Variants in NWD1 observed in about 807,000 individuals in gnomAD.
NWD1 encodes NACHT and WD repeat domain containing 1, also known as NACHT domain- and WD repeat-containing protein 1.
A neutral mutation model predicts 135.1 loss-of-function variants in NWD1; 129 were observed. The ratio of observed to expected loss-of-function variants is 0.96; its 90% CI spans 0.83 to 1.11. The LOEUF is 1.11. NWD1 is among the 50% of genes least tolerant of loss of function. The pLI, the probability that NWD1 is intolerant of heterozygous loss-of-function variation, is 0.00. For synonymous variants in NWD1, 773 were observed against 786.0 expected (o/e 0.98, Z 0.28); for missense variants, 1,740 against 1,851.3 (o/e 0.94, Z 1.10).
At chr19:16,755,808 G>A (rs914195676) in intron 6 of NWD1, among the ~76,000 whole-genome samples, 2 of 152,058 alleles carry the variant, frequency 1.3e-5, no homozygotes, top group Non-Finnish European at 2.9e-5. Flanking sequence ...AAAGTGCTGG[G>A]ATTACAGGCG....
At chr19:16,775,869 T>C (rs566896092) in intron 11 of NWD1, among the ~76,000 whole-genome samples, 12 of 152,232 alleles carry the variant, frequency 7.9e-5, no homozygotes, top group Admixed American at 7.2e-4. Context: ...GGTTTCACCA[T>C]GTTGGCCAGG....
intron 6 of NWD1, among the ~76,000 whole-genome samples, chr19:16,756,067 T>G (rs1346570289): frequency 2.6e-5 from 4 of 151,730 alleles, no homozygotes; most frequent in Non-Finnish European, 5.9e-5. Flanking sequence ...CAAAACAAGG[T>G]AGAGAAAAGA....
At chr19:16,812,888 A>G (rs1970968818) in intron 18 of NWD1, 2 of 780,528 alleles carry the variant, frequency 2.6e-6, no homozygotes, top group East Asian at 4.9e-5. Flanking sequence ...TTGAGCTTCG[A>G]TCTGGAGAGA....
intron 3 of NWD1, among the ~76,000 whole-genome samples, chr19:16,733,383 TG>T (rs1446253923): frequency 7.9e-5 from 12 of 152,074 alleles, no homozygotes; most frequent in African/African-American, 2.9e-4. Flanking sequence ...TACCCAGATG[TG>T]GTGACACGCA....
intron 11 of NWD1, 141 bp downstream of exon 11, chr19:16,773,464 G>C: frequency 1.5e-6 from 1 of 645,446 alleles, no homozygotes; most frequent in South Asian, 1.9e-5. Context: ...GCCTGCCCCT[G>C]CTGTCTCATG....
In NWD1 at chr19:16,725,383, T is replaced by C. The variant is rs1188991073; in HGVS notation, c.-7+920T>C. 7.9e-5 allele frequency among the ~76,000 whole-genome samples: 12 copies of C among 151,248 alleles called. No individual in the cohort carries two copies. The Admixed American group carries it at 8.0e-4, about 10-fold the overall frequency. ...GTCCCAGCTACTTGGGAGGCTGAGATGGGAGGATCACTTGAGCCCAGGAGA... is the reference window on the plus strand; with the variant it reads ...GTCCCAGCTACTTGGGAGGCTGAGACGGGAGGATCACTTGAGCCCAGGAGA... On this transcript the variant is annotated intron_variant, in intron 2 of 18. Coordinates refer to ENST00000524140, the MANE Select transcript of NWD1 (RefSeq NM_001007525.5).
At chr19:16,798,545 A>C (rs1970495309) in intron 16 of NWD1, among the ~76,000 whole-genome samples, 1 of 152,196 alleles carries the variant, frequency 6.6e-6, no homozygotes, top group East Asian at 1.9e-4. Context: ...TGGGAGGTAG[A>C]GGCTGCAGTG....
intron 11 of NWD1, among the ~76,000 whole-genome samples, chr19:16,778,497 T>TTCTTCTTCTTCTTCTTCTTCTTCTTC (rs1568373623): frequency 2.4e-5 from 2 of 82,658 alleles, no homozygotes; most frequent in African/African-American, 7.5e-5. Context: ...TCTTCTTCTT[T>TTCTTCTTCTTCTTCTTCTTCTTCTTC]TTTTTTTTTT....
At chr19:16,810,745 G>A (rs77337042) in intron 18 of NWD1, among the ~76,000 whole-genome samples, 1 of 152,090 alleles carries the variant, frequency 6.6e-6, no homozygotes, top group Admixed American at 6.6e-5. Flanking sequence ...CCTGGATGAC[G>A]ATACAAGATT....
chr19:16,752,420 C>A lies in NWD1; in HGVS notation c.1769+2009C>A, dbSNP rs372617672. On this transcript the variant is annotated intron_variant, in intron 6 of 18. Coordinates refer to ENST00000524140, the MANE Select transcript of NWD1 (RefSeq NM_001007525.5). Reference sequence around the variant, plus strand: ...CCTGTAATGCCAGCGTTTTGGGAGGCTGAGGTGGGAGGATCACTTGAATCC... The same window carrying A: ...CCTGTAATGCCAGCGTTTTGGGAGGATGAGGTGGGAGGATCACTTGAATCC... Among the ~76,000 whole-genome samples, 16 of 152,216 alleles carry A rather than the reference C, an allele frequency of 1.1e-4. No homozygotes were observed. In the East Asian group the frequency reaches 2.7e-3, roughly 26 times the overall value.
At position 16,787,931 on chromosome 19, in the gene NWD1, C is replaced by A. The variant is rs1375606172; in HGVS notation, c.2732-1051C>A. Among the ~76,000 whole-genome samples, 89 of 135,296 alleles carry A rather than the reference C, an allele frequency of 6.6e-4. No homozygotes were observed. In the South Asian group the frequency reaches 9.2e-3, roughly 14 times the overall value. 88.8% of individuals were successfully genotyped at this position (135,296 alleles called of 152,430 possible). Reference sequence around the variant, plus strand: ...TCATCATCATCATCATCATCATCATCATCATCATCATCATAGGCCAGGCGC... The same window carrying A: ...TCATCATCATCATCATCATCATCATAATCATCATCATCATAGGCCAGGCGC... On this transcript the variant is annotated intron_variant, in intron 12 of 18. Transcript: ENST00000524140.
intron 12 of NWD1, among the ~76,000 whole-genome samples, chr19:16,786,425 G>A (rs1970043159): frequency 6.6e-6 from 1 of 152,078 alleles, no homozygotes; most frequent in African/African-American, 2.4e-5. Flanking sequence ...TTTGGGGTAC[G>A]AATGATCCCA....
intron 12 of NWD1, among the ~76,000 whole-genome samples, chr19:16,787,876 CAATAATAATAAT>C (rs534816872): frequency 3.8e-4 from 46 of 119,494 alleles, no homozygotes; most frequent in African/African-American, 1.3e-3. Context: ...GTAATAATAA[CAATAATAATAAT>C]AATAATAATA....
At chr19:16,788,107 G>A (rs2123037469) in intron 12 of NWD1, among the ~76,000 whole-genome samples, 1 of 148,148 alleles carries the variant, frequency 6.8e-6, no homozygotes, top group Non-Finnish European at 1.5e-5. Flanking sequence ...GTGGGCACCT[G>A]TAATCCCAGC....
chr19:16,734,576 T>C (rs1324637423), intron 3 of NWD1, among the ~76,000 whole-genome samples: 1 of 150,862 alleles, frequency 6.6e-6, no homozygotes, highest in Non-Finnish European at 1.5e-5. Flanking sequence ...TTTTTCTTTT[T>C]TCTTTTTCTG....
rs760506784 is a variant in NWD1 at position 16,736,197 on chromosome 19, C to CTTCT, written c.82-434_82-433insTTTC. ...TTTTCTTTCCTTCTTTCCTTCTTTC[C>CTTCT]TTCCTTCCTTCTTTCCTTCCTTCCT... On this transcript the variant is annotated intron_variant, in intron 3 of 18. Coordinates refer to ENST00000524140, the MANE Select transcript of NWD1 (RefSeq NM_001007525.5). 9.1e-4 allele frequency among the ~76,000 whole-genome samples: 120 copies of CTTCT among 131,354 alleles called. 1 individual carries two copies. The East Asian group carries it at 0.013, about 14-fold the overall frequency. 86.2% of individuals were successfully genotyped at this position (131,354 alleles called of 152,430 possible).
At chr19:16,732,703 C>G (rs1029652866) in intron 3 of NWD1, among the ~76,000 whole-genome samples, 15 of 139,456 alleles carry the variant, frequency 1.1e-4, no homozygotes, top group African/African-American at 4.1e-4. Context: ...TGTGATCTCA[C>G]AGCTCACTGC....
At chr19:16,726,182 G>A (rs1383720564) in intron 2 of NWD1, among the ~76,000 whole-genome samples, 6 of 151,956 alleles carry the variant, frequency 3.9e-5, no homozygotes, top group Admixed American at 1.3e-4. Flanking sequence ...GGCTGGTCTC[G>A]AACTCTTGAC....
At chr19:16,785,701 CAT>C (rs1018784349) in intron 12 of NWD1, among the ~76,000 whole-genome samples, 28 of 147,784 alleles carry the variant, frequency 1.9e-4, no homozygotes, top group African/African-American at 6.7e-4. Flanking sequence ...GTATGTAAAA[CAT>C]AATATATATG....
Sources: gnomAD v4.1 joint callset for allele counts (sites outside exome capture counted in the v4.1 genomes callset) on GRCh38, gnomAD v4.1.1 for gene constraint, MANE v1.5 for transcripts, NCBI Gene and HGNC (gene_info 2026-07-23, HGNC 2026-07-21) for gene names.